The following MYOCD variants were observed in gnomAD, a reference collection of about 807,000 sequenced individuals.
MYOCD encodes the protein myocardin.
Under a neutral mutation model 96.1 loss-of-function variants are expected in MYOCD, and 32 were observed. The observed-to-expected ratio is 0.33, with a 90% CI of 0.25 to 0.45. MYOCD has a LOEUF of 0.45. Among genes scored for constraint, MYOCD ranks in the 20% least tolerant of loss-of-function variants. The probability of loss-of-function intolerance (pLI) is 1.00; values close to 1 mark genes in which losing one functional copy is unlikely to be tolerated. For synonymous variants in MYOCD, 469 were observed against 469.0 expected (o/e 1.00, Z 0.00); for missense variants, 1,133 against 1,200.6 (o/e 0.94, Z 0.83).
chr17:12,694,314 G>A (rs944222548), intron 1 of MYOCD, among the ~76,000 whole-genome samples: 3 of 152,140 alleles, frequency 2.0e-5, no homozygotes, highest in Admixed American at 6.5e-5. Context: ...AGAGAGCAAG[G>A]TAGCTTCACC....
intron 5 of MYOCD, among the ~76,000 whole-genome samples, chr17:12,725,288 G>T (rs915236546): frequency 6.6e-6 from 1 of 150,672 alleles, no homozygotes; most frequent in Non-Finnish European, 1.5e-5. Flanking sequence ...AACATGATTA[G>T]CATATTATAG....
chr17:12,767,857 T>A lies in MYOCD; in HGVS notation c.*4213T>A, dbSNP rs2033381034. 1 of 152,206 alleles carries A rather than the reference T, an allele frequency of 6.6e-6. No individual in the cohort carries two copies. The highest frequency in any genetic ancestry group is 2.1e-4 in the South Asian group (1 of 4,828). The allele number at this position is 152,206 out of a possible 1,614,324, so 9.4% of individuals were successfully genotyped here. On this transcript the variant is annotated 3_prime_UTR_variant, in exon 14 of 14. Coordinates refer to ENST00000425538, the MANE Select transcript of MYOCD (RefSeq NM_001146312.3). ...GGAAAGGGTGGAGGAAGCATTTTTG[T>A]GTCCTATCCCTACTTATCGTAGCAG...
intron 2 of MYOCD, among the ~76,000 whole-genome samples, chr17:12,711,924 CT>C (rs11388469): frequency 0.15 from 20,000 of 134,644 alleles, 1,528 homozygotes; most frequent in African/African-American, 0.27. Flanking sequence ...TTTCTTTTTT[CT>C]TTTTTTTTTT....
chr17:12,717,230 C>T (rs181734037), intron 3 of MYOCD, 116 bp from the exon 4 acceptor site: 3 of 726,528 alleles, frequency 4.1e-6, no homozygotes, highest in Admixed American at 2.8e-5. Flanking sequence ...AAATGTGGGA[C>T]ACCAAGAATA....
chr17:12,717,104 G>A (rs1390303551), intron 3 of MYOCD, among the ~76,000 whole-genome samples: 1 of 150,234 alleles, frequency 6.7e-6, no homozygotes, highest in Non-Finnish European at 1.5e-5. Context: ...CAACCTGCCT[G>A]TCCCTGAAAA....
intron 1 of MYOCD, among the ~76,000 whole-genome samples, chr17:12,681,731 G>C (rs1039199913): frequency 6.6e-6 from 1 of 152,276 alleles, no homozygotes; most frequent in Non-Finnish European, 1.5e-5. Flanking sequence ...GTGCTCTCCT[G>C]TAAGAGTCAC....
chr17:12,690,198 G>A (rs1188395594), intron 1 of MYOCD, among the ~76,000 whole-genome samples: 5 of 151,526 alleles, frequency 3.3e-5, no homozygotes, highest in African/African-American at 1.2e-4. Flanking sequence ...TGGAAAATCT[G>A]TCAAAGAATG....
At position 12,745,997 on chromosome 17, in the gene MYOCD, A is replaced by C; in HGVS notation, c.1050A>C (p.Lys350Asn). ...GCAATACCCCCTTGTCTCCTGTCAA[A>C]AACAGTTTTTCTGGACAAACTGGTG... Reference protein sequence around the residue: ...PLSNTPLSPVKNSFSGQTGVS... With the variant: ...PLSNTPLSPVNNSFSGQTGVS... The change falls in exon 9 of 14, where the codon AAA (lysine) becomes AAC (asparagine). Residue 350 changes from lysine (K) to asparagine (N), a missense_variant. Transcript: ENST00000425538. The C allele has an allele frequency of 1.2e-6, 2 of 1,614,208 alleles. No individual in the cohort carries two copies. The highest frequency in any genetic ancestry group is 1.6e-4 in the Middle Eastern group (1 of 6,062).
At position 12,706,466 on chromosome 17, in the gene MYOCD, G is replaced by A. The variant is rs373516070; in HGVS notation, c.121+1273G>A. Among the ~76,000 whole-genome samples the A allele has an allele frequency of 3.0e-4, 46 of 152,268 alleles. No homozygotes were observed. In the South Asian group the frequency reaches 7.5e-3, roughly 25 times the overall value. On this transcript the variant is annotated intron_variant, in intron 2 of 13. Coordinates refer to ENST00000425538, the MANE Select transcript of MYOCD (RefSeq NM_001146312.3). ...AAAGCTGATAATCTATCCCTTCACC[G>A]ATGTTTCTTTCTCTTTAATTCTGGA...
intron 1 of MYOCD, among the ~76,000 whole-genome samples, chr17:12,675,584 C>A (rs1909972984): frequency 6.6e-6 from 1 of 152,214 alleles, no homozygotes; most frequent in African/African-American, 2.4e-5. Flanking sequence ...ATTGGCCAGG[C>A]ACGGTGGCTC....
In MYOCD at chr17:12,694,599, G is replaced by T. The variant is rs1361639844; in HGVS notation, c.56-10529G>T. On this transcript the variant is annotated intron_variant, in intron 1 of 13. Transcript: ENST00000425538. The stretch of plus-strand genomic sequence containing the variant: ...AGAAAGATTCCAGTAGCTTCCATGT[G>T]ATAGGAGCAACAAGGCCAAGAGAAA... Among the ~76,000 whole-genome samples the T allele has an allele frequency of 3.3e-5, 5 of 152,230 alleles. No individual in the cohort carries two copies. The East Asian group carries it at 9.7e-4, about 30-fold the overall frequency.
chr17:12,694,309 G>A (rs28730816), intron 1 of MYOCD, among the ~76,000 whole-genome samples: 4,570 of 152,206 alleles, frequency 0.03, 174 homozygotes, highest in Admixed American at 0.11. Context: ...TGCCCAGAGA[G>A]CAAGGTAGCT....
intron 1 of MYOCD, among the ~76,000 whole-genome samples, chr17:12,695,054 AG>A (rs988738273): frequency 6.6e-6 from 1 of 152,206 alleles, no homozygotes; most frequent in African/African-American, 2.4e-5. Context: ...TATAGGAAAA[AG>A]GACCTAAACT....
intron 1 of MYOCD, among the ~76,000 whole-genome samples, chr17:12,672,934 G>A (rs940629153): frequency 1.3e-5 from 2 of 152,154 alleles, no homozygotes; most frequent in Non-Finnish European, 2.9e-5. Flanking sequence ...CATTGAGTAA[G>A]TTTTCCCTTC....
Position 12,752,719 on chromosome 17 carries a change from T to A in MYOCD, c.1431T>A (p.Asp477Glu). ...VAGSLPDTFN[D>E]ASPSFGLHPS... ...GGTCCCTGCCGGACACCTTCAATGATGCCTCCCCCTCCTTCGGCCTGCACC... is the reference window on the plus strand; with the variant it reads ...GGTCCCTGCCGGACACCTTCAATGAAGCCTCCCCCTCCTTCGGCCTGCACC... Residue 477 changes from aspartate (D) to glutamate (E), a missense_variant, in exon 10 of 14, where the codon GAT becomes GAA. Transcript: ENST00000425538. 1.9e-6 allele frequency: 3 copies of A among 1,614,138 alleles called. No homozygotes were observed. The highest frequency in any genetic ancestry group is 8.5e-7 in the Non-Finnish European group (1 of 1,180,036).
Position 12,722,719 on chromosome 17 carries a change from T to G in MYOCD, c.254-128T>G, listed in dbSNP as rs539546260. Reference sequence around the variant, plus strand: ...TCCCTGTAAAGTGATGATGATTGCATCGAAAAATTATTAGGATGGTAGAGC... The same window carrying G: ...TCCCTGTAAAGTGATGATGATTGCAGCGAAAAATTATTAGGATGGTAGAGC... On this transcript the variant is annotated intron_variant, in intron 4 of 13. Coordinates refer to ENST00000425538, the MANE Select transcript of MYOCD (RefSeq NM_001146312.3). The G allele has an allele frequency of 1.2e-3, 871 of 716,720 alleles. 13 individuals carry two copies. The highest frequency in any genetic ancestry group is 2.6e-4 in the Non-Finnish European group (112 of 433,276). 44.4% of individuals were successfully genotyped at this position (716,720 alleles called of 1,614,324 possible).
Position 12,763,103 on chromosome 17 carries a change from C to T in MYOCD, c.2420C>T (p.Ser807Leu). The change falls in exon 14 of 14, where the codon TCA (serine) becomes TTA (leucine). Residue 807 changes from serine to leucine, a missense_variant. By Grantham distance (145) the Ser-to-Leu change is moderately radical (BLOSUM62 -2). Transcript: ENST00000425538. Reference protein sequence around the residue: ...EMPADAREDHSCLQKVPKIPR... With the variant: ...EMPADAREDHLCLQKVPKIPR... ...CCAGCAGACGCTAGAGAGGATCACT[C>T]ATGTCTTCAAAAAGTCCCAAAGATA... 2.5e-6 allele frequency: 4 copies of T among 1,613,516 alleles called. No homozygotes were observed. In the East Asian group the frequency reaches 8.9e-5, roughly 36 times the overall value.
intron 9 of MYOCD, among the ~76,000 whole-genome samples, chr17:12,751,887 G>A (rs574396368): frequency 1.1e-4 from 16 of 152,286 alleles, no homozygotes; most frequent in African/African-American, 3.4e-4. Flanking sequence ...TTAGAAATGC[G>A]TATCAACTGG....
chr17:12,764,724 C>G lies in MYOCD; in HGVS notation c.*1080C>G, dbSNP rs2033287586. On this transcript the variant is annotated 3_prime_UTR_variant, in exon 14 of 14. Coordinates refer to ENST00000425538, the MANE Select transcript of MYOCD (RefSeq NM_001146312.3). ...TCAAGGTACCAATCCTTTCCTGTTC[C>G]TCGTTTGGCCATCTTTCTTTTTCTG... 1.3e-5 allele frequency: 2 copies of G among 152,158 alleles called. No individual in the cohort carries two copies. The highest frequency in any genetic ancestry group is 4.8e-5 in the African/African-American group (2 of 41,432). The allele number at this position is 152,158 out of a possible 1,614,324, so 9.4% of individuals were successfully genotyped here. A position where few individuals can be genotyped will look rare whatever the true frequency, so the allele number is the denominator to read the frequency against.
Sources: allele counts gnomAD v4.1 joint callset (sites outside exome capture counted in the v4.1 genomes callset), GRCh38; gene constraint gnomAD v4.1.1; transcripts MANE v1.5; gene names NCBI Gene and HGNC (gene_info 2026-07-23, HGNC 2026-07-21).